Variants in HUNK observed in about 807,000 individuals in gnomAD.
HUNK encodes hormonally up-regulated neu tumor-associated kinase.
Under a neutral mutation model 61.0 loss-of-function variants are expected in HUNK, and 21 were observed. That is an observed-to-expected ratio of 0.34 (90% CI 0.24 to 0.50). The LOEUF (loss-of-function observed/expected upper bound fraction) is 0.50. HUNK is among the 20% of genes least tolerant of loss of function. The pLI is 0.98. For missense variants in HUNK, 772 were observed against 945.7 expected, an observed-to-expected ratio of 0.82 and a Z score of 2.41; for synonymous variants, 371 against 386.1, an observed-to-expected ratio of 0.96 and a Z score of 0.46.
rs116501352 is a variant in HUNK at position 31,987,846 on chromosome 21, G to A, written c.1258-2283G>A. On this transcript the variant is annotated intron_variant, in intron 8 of 10. Transcript: ENST00000270112. ...TTCGGAGCCAGAGGACCTTCCAGTC[G>A]TCCTCCGCACCACATGGCAGGGGGT... Among the ~76,000 whole-genome samples, 991 of 152,316 alleles carry A rather than the reference G, an allele frequency of 6.5e-3. 9 individuals are homozygous for A. Among genetic ancestry groups the A allele is most frequent in the African/African-American group, 0.021 (867 of 41,576 alleles).
At chr21:31,896,688 A>C (rs1001439707) in intron 1 of HUNK, among the ~76,000 whole-genome samples, 2 of 152,204 alleles carry the variant, frequency 1.3e-5, no homozygotes, top group South Asian at 2.1e-4. Flanking sequence ...TTGCTATTAG[A>C]ATTTCTTCAT....
chr21:31,888,315 G>C (rs906152890), intron 1 of HUNK, among the ~76,000 whole-genome samples: 1 of 152,192 alleles, frequency 6.6e-6, no homozygotes, highest in African/African-American at 2.4e-5. Flanking sequence ...GCGTTACTGG[G>C]ATGCTTTTGT....
At chr21:31,979,729 A>T (rs888941680) in intron 7 of HUNK, among the ~76,000 whole-genome samples, 1 of 151,206 alleles carries the variant, frequency 6.6e-6, no homozygotes, top group Non-Finnish European at 1.5e-5. Context: ...GTTAGCCAGG[A>T]TGGTCTCAAT....
Position 31,886,423 on chromosome 21 carries a change from C to CAAAAA in HUNK, c.261+12499_261+12503dup, listed in dbSNP as rs35762828. ...ACTGGGAGACAGAATGAGACTGTCT[C>CAAAAA]AAAAAAAAAAAAAAAGACCCCTCAT... On this transcript the variant is annotated intron_variant, in intron 1 of 10. Transcript: ENST00000270112. Among the ~76,000 whole-genome samples, 3 of 130,658 alleles carry CAAAAA rather than the reference C, an allele frequency of 2.3e-5. No individual in the cohort carries two copies. The South Asian group carries it at 7.9e-4, about 34-fold the overall frequency. The allele number at this position is 130,658 out of a possible 152,430, so 85.7% of individuals were successfully genotyped here. A position where few individuals can be genotyped will look rare whatever the true frequency, so the allele number is the denominator to read the frequency against.
At chr21:31,919,186 G>A (rs910519576) in intron 1 of HUNK, among the ~76,000 whole-genome samples, 2 of 151,016 alleles carry the variant, frequency 1.3e-5, no homozygotes, top group Non-Finnish European at 2.9e-5. Flanking sequence ...AGGTTGAGGG[G>A]CTGGACTGAG....
At chr21:31,990,340 G>A (rs1472725824) in intron 9 of HUNK, among the ~76,000 whole-genome samples, 164 bp downstream of exon 9, 1 of 152,060 alleles carries the variant, frequency 6.6e-6, no homozygotes, top group Non-Finnish European at 1.5e-5. Context: ...GGGCAGACCA[G>A]CAGGTTGGTT....
Position 31,983,603 on chromosome 21 carries a change from C to T in HUNK, c.1251C>T (p.Ser417=), listed in dbSNP as rs188458652. The T allele has an allele frequency of 1.9e-6, 3 of 1,612,040 alleles. No individual in the cohort carries two copies. The highest frequency in any genetic ancestry group is 2.5e-6 in the Non-Finnish European group (3 of 1,178,466). The part of the protein sequence containing the change: ...QIEKYRAPKE[S]YEASLDTWTR... Reference sequence around the variant, plus strand: ...AAAAGTACAGGGCCCCCAAGGAGTCCTATGAGGTGAGTGACCCCTGAAGCA... The same window carrying T: ...AAAAGTACAGGGCCCCCAAGGAGTCTTATGAGGTGAGTGACCCCTGAAGCA... The change falls in exon 8 of 11, where the codon TCC becomes TCT. Residue 417 remains serine (S), a synonymous_variant. Coordinates refer to ENST00000270112, the MANE Select transcript of HUNK (RefSeq NM_014586.2).
intron 2 of HUNK, among the ~76,000 whole-genome samples, chr21:31,938,542 G>A (rs1440889463): frequency 6.6e-6 from 1 of 152,190 alleles, no homozygotes; most frequent in Non-Finnish European, 1.5e-5. Flanking sequence ...CCTAGCTATC[G>A]CTCCTTTTTG....
At chr21:31,905,180 C>T (rs528704211) in intron 1 of HUNK, among the ~76,000 whole-genome samples, 3 of 151,936 alleles carry the variant, frequency 2.0e-5, no homozygotes, top group Admixed American at 2.0e-4. Context: ...TGGACACGGA[C>T]ACATAGGGAA....
chr21:31,927,188 G>A (rs568534006), intron 2 of HUNK, among the ~76,000 whole-genome samples: 34 of 152,072 alleles, frequency 2.2e-4, no homozygotes, highest in African/African-American at 7.9e-4. Flanking sequence ...TTACAGGCAC[G>A]TGCCATCATG....
At chr21:31,989,827 C>T (rs2053159701) in intron 8 of HUNK, among the ~76,000 whole-genome samples, 1 of 151,482 alleles carries the variant, frequency 6.6e-6, no homozygotes. Flanking sequence ...TTTTTTGATC[C>T]AAGTGCCATT....
intron 6 of HUNK, among the ~76,000 whole-genome samples, chr21:31,970,285 C>T (rs1028933107): frequency 6.6e-6 from 1 of 152,198 alleles, no homozygotes; most frequent in East Asian, 1.9e-4. Context: ...TCTGCATCCA[C>T]ACTTCAGTGC....
intron 3 of HUNK, among the ~76,000 whole-genome samples, chr21:31,940,423 T>A (rs2052761856): frequency 6.6e-6 from 1 of 152,226 alleles, no homozygotes; most frequent in Non-Finnish European, 1.5e-5. Flanking sequence ...TCTCCATAAA[T>A]TCAGATGGAG....
At chr21:31,887,106 T>G (rs572149711) in intron 1 of HUNK, among the ~76,000 whole-genome samples, 1 of 152,278 alleles carries the variant, frequency 6.6e-6, no homozygotes, top group South Asian at 2.1e-4. Context: ...CTATGTTGAA[T>G]GGGTTGTCTG....
chr21:31,880,309 A>G (rs975222888), intron 1 of HUNK, among the ~76,000 whole-genome samples: 2 of 152,154 alleles, frequency 1.3e-5, no homozygotes, highest in African/African-American at 4.8e-5. Flanking sequence ...GTTTGCTAGG[A>G]TGGTTCTAAC....
At chr21:31,976,458 A>ATTTT (rs2053049871) in intron 7 of HUNK, among the ~76,000 whole-genome samples, 1 of 91,402 alleles carries the variant, frequency 1.1e-5, no homozygotes, top group African/African-American at 4.0e-5. Flanking sequence ...GTTTTTTGAG[A>ATTTT]CTTTTTTTTT....
At chr21:31,990,015 T>C in intron 8 of HUNK, 114 bp from the exon 9 acceptor site, 2 of 962,570 alleles carry the variant, frequency 2.1e-6, no homozygotes, top group Middle Eastern at 2.1e-4. Flanking sequence ...TTTCTGTCTA[T>C]GAAAACCGAA....
chr21:31,939,212 A>C (rs573345942), intron 2 of HUNK, among the ~76,000 whole-genome samples: 1 of 152,158 alleles, frequency 6.6e-6, no homozygotes, highest in South Asian at 2.1e-4. Flanking sequence ...TGAGCTCTGT[A>C]AAGTTAACAT....
chr21:31,941,331 G>C (rs921096065), intron 3 of HUNK, among the ~76,000 whole-genome samples: 8 of 150,976 alleles, frequency 5.3e-5, no homozygotes, highest in African/African-American at 2.0e-4. Flanking sequence ...TCCTGAGATG[G>C]AGTCTCCCTC....
Sources: gnomAD v4.1 joint callset for allele counts (sites outside exome capture counted in the v4.1 genomes callset) on GRCh38, gnomAD v4.1.1 for gene constraint, MANE v1.5 for transcripts, NCBI Gene and HGNC (gene_info 2026-07-23, HGNC 2026-07-21) for gene names.